BTG4: variants seen among roughly 807,000 people sequenced by gnomAD.
BTG4 encodes protein BTG4.
In BTG4, 10 loss-of-function variants were observed where a neutral mutation model predicts 19.3. That is an observed-to-expected ratio of 0.52 (90% CI 0.32 to 0.88). BTG4 has a LOEUF of 0.88. BTG4 is among the 40% of genes least tolerant of loss of function. The pLI is 0.04. For synonymous variants in BTG4, 91 were observed against 95.7 expected, an observed-to-expected ratio of 0.95 and a Z score of 0.29; for missense variants, 238 against 281.9, an observed-to-expected ratio of 0.84 and a Z score of 1.11.
At chr11:111,424,338 A>G in the BTG4 span, among the ~76,000 whole-genome samples, 4 of 152,238 alleles carry the variant, frequency 2.6e-5, no homozygotes, top group African/African-American at 7.2e-5. Context: ...TGGTGTCACT[A>G]TCTAAAAACA....
chr11:111,428,997 T>C, the BTG4 span, among the ~76,000 whole-genome samples: 1 of 152,338 alleles, frequency 6.6e-6, no homozygotes, highest in South Asian at 2.1e-4. Flanking sequence ...GCTCTCCCCA[T>C]TCACGAATTT....
At chr11:111,456,710 C>T in the BTG4 span, 2 of 352,274 alleles carry the variant, frequency 5.7e-6, no homozygotes, top group African/African-American at 2.1e-5. The surrounding 1 kb of genome is among the most constrained non-coding windows in gnomAD (Gnocchi z 4.2). Flanking sequence ...CTGAGAGCTA[C>T]CCTGGTGCCC....
the BTG4 span, among the ~76,000 whole-genome samples, chr11:111,423,883 C>T: frequency 1.3e-5 from 2 of 152,088 alleles, no homozygotes; most frequent in South Asian, 4.2e-4. Context: ...AGGAAATCTC[C>T]GAGGCCTGAG....
At chr11:111,459,139 G>A in the BTG4 span, among the ~76,000 whole-genome samples, 2 of 152,108 alleles carry the variant, frequency 1.3e-5, no homozygotes, top group African/African-American at 4.8e-5. Context: ...CTACTTGGGA[G>A]GCTGAGGCGG....
intron 5 of BTG4, among the ~76,000 whole-genome samples, chr11:111,476,045 TA>T (rs1446271599): frequency 6.6e-6 from 1 of 151,600 alleles, no homozygotes; most frequent in East Asian, 1.9e-4. Flanking sequence ...AAGGATCTCT[TA>T]ACACATAGGG....
intron 1 of BTG4, among the ~76,000 whole-genome samples, chr11:111,508,824 A>G (rs976443292): frequency 3.3e-5 from 5 of 150,074 alleles, no homozygotes; most frequent in African/African-American, 1.2e-4. Flanking sequence ...ATATTAAGAT[A>G]TATTCATATT....
At chr11:111,387,300 C>A in the BTG4 span, among the ~76,000 whole-genome samples, 1 of 152,226 alleles carries the variant, frequency 6.6e-6, no homozygotes, top group Non-Finnish European at 1.5e-5. Flanking sequence ...AGTTCCCAGA[C>A]ATCATCTGCA....
the BTG4 span, among the ~76,000 whole-genome samples, chr11:111,387,316 G>T: frequency 6.6e-6 from 1 of 152,164 alleles, no homozygotes; most frequent in Non-Finnish European, 1.5e-5. Context: ...CTGCAAATAT[G>T]GTTGACAGCT....
chr11:111,481,450 G>A (rs1864734459), intron 5 of BTG4, among the ~76,000 whole-genome samples: 1 of 151,616 alleles, frequency 6.6e-6, no homozygotes, highest in Non-Finnish European at 1.5e-5. Context: ...TTTACAGTAT[G>A]TATATAATAA....
intron 5 of BTG4, among the ~76,000 whole-genome samples, chr11:111,488,571 G>A (rs542419019): frequency 3.5e-4 from 53 of 152,150 alleles, no homozygotes; most frequent in Non-Finnish European, 6.5e-4. Context: ...TCAAAATCAG[G>A]CAACCGAAAC....
chr11:111,415,398 T>C, the BTG4 span, among the ~76,000 whole-genome samples: 1 of 152,178 alleles, frequency 6.6e-6, no homozygotes, highest in African/African-American at 2.4e-5. Flanking sequence ...AGGAAGTGAA[T>C]ATAAAAGATA....
rs548443485 is a variant in BTG4 at position 111,498,652 on chromosome 11, T to C, written c.125A>G (p.Tyr42Cys). The change falls in exon 2 of 5, where the codon TAC becomes TGC. Residue 42 changes from tyrosine (Y) to cysteine (C), a missense_variant. Tyr to Cys is a radical substitution (Grantham distance 194, BLOSUM62 -2). Coordinates refer to ENST00000692032, the MANE Select transcript of BTG4 (RefSeq NM_001367975.1). ...EKLMTILFET[Y>C]RSHWHSDCPS... ...GCAATCAGAGTGCCAGTGACTTCTGTATGTTTCAAACAAGATCGTCATCAG... is the reference window on the plus strand; with the variant it reads ...GCAATCAGAGTGCCAGTGACTTCTGCATGTTTCAAACAAGATCGTCATCAG... The C allele has an allele frequency of 1.2e-6, 2 of 1,613,994 alleles. No individual in the cohort carries two copies. Among genetic ancestry groups the C allele is most frequent in the South Asian group, 2.2e-5 (2 of 91,040 alleles).
intron 5 of BTG4, among the ~76,000 whole-genome samples, chr11:111,483,616 G>A (rs1200735352): frequency 1.3e-5 from 2 of 152,064 alleles, no homozygotes; most frequent in African/African-American, 4.8e-5. Context: ...AGAATCAACA[G>A]CAAATTGACC....
At chr11:111,496,610 G>A (rs1002330672) in intron 4 of BTG4, 1 of 152,158 alleles carries the variant, frequency 6.6e-6, no homozygotes, top group Admixed American at 6.5e-5. Flanking sequence ...ATTCTCTCTA[G>A]ATCAGTGTTT....
the BTG4 span, among the ~76,000 whole-genome samples, chr11:111,402,951 A>G: frequency 2.3e-4 from 35 of 152,308 alleles, no homozygotes; most frequent in East Asian, 5.4e-3. Flanking sequence ...AAGAATTTCA[A>G]TGGAACTGAT....
chr11:111,395,839 C>T, the BTG4 span, among the ~76,000 whole-genome samples: 5 of 152,238 alleles, frequency 3.3e-5, no homozygotes, highest in East Asian at 7.7e-4. Flanking sequence ...CCCCTTTGAA[C>T]TTACCCTGCA....
chr11:111,451,288 G>A, the BTG4 span: 12 of 383,192 alleles, frequency 3.1e-5, 1 homozygote, highest in Middle Eastern at 7.3e-4. Context: ...GACTGGCGGC[G>A]CTTCCGGGCC....
At chr11:111,466,117 G>A (rs904970349), downstream of BTG4, among the ~76,000 whole-genome samples, 2 of 152,048 alleles carry the variant, frequency 1.3e-5, no homozygotes, top group African/African-American at 2.4e-5. Context: ...CTAGAAGATA[G>A]TAGAAGGTTA....
At chr11:111,386,504 T>G in the BTG4 span, among the ~76,000 whole-genome samples, 1 of 152,138 alleles carries the variant, frequency 6.6e-6, no homozygotes. Flanking sequence ...GTTTGTAAAG[T>G]CAGACTTATA....
Sources: gnomAD v4.1 joint callset for allele counts (sites outside exome capture counted in the v4.1 genomes callset) on GRCh38, gnomAD v4.1.1 for gene constraint, Gnocchi (gnomAD v3.1) non-coding constraint, MANE v1.5 for transcripts, NCBI Gene and HGNC (gene_info 2026-07-23, HGNC 2026-07-21) for gene names.